Variants in CAPN2 observed in about 807,000 individuals in gnomAD.
CAPN2 encodes the protein calpain-2 catalytic subunit.
Under a neutral mutation model 102.3 loss-of-function variants are expected in CAPN2, and 92 were observed. That is an observed-to-expected ratio of 0.90 (90% CI 0.76 to 1.07). The LOEUF (loss-of-function observed/expected upper bound fraction) is 1.07, where lower values mean the gene tolerates loss of function less well. Among genes scored for constraint, CAPN2 ranks in the 50% least tolerant of loss-of-function variants. The pLI, the probability that CAPN2 is intolerant of heterozygous loss-of-function variation, is 0.00. For synonymous variants in CAPN2, 340 were observed against 355.4 expected (o/e 0.96, Z 0.49); for missense variants, 800 against 909.4 (o/e 0.88, Z 1.55).
At chr1:223,751,937 T>C (rs1660911052) in intron 7 of CAPN2, 60 bp from the exon 8 acceptor site, 2 of 1,148,824 alleles carry the variant, frequency 1.7e-6, no homozygotes, top group Admixed American at 2.0e-5. Context: ...TCCTCAACTC[T>C]GGGGCCTTTG....
At chr1:223,708,774 G>C (rs548391761), upstream of CAPN2, among the ~76,000 whole-genome samples, 19 of 150,580 alleles carry the variant, frequency 1.3e-4, no homozygotes, top group African/African-American at 4.6e-4. Context: ...AAGAAAGAAA[G>C]AGCGAAAGAG....
At position 223,755,893 on chromosome 1, in the gene CAPN2, G is replaced by A. The variant is rs998344321; in HGVS notation, c.1305+244G>A. ...GCCCCCCACAGCCAGCCTGCAGGGA[G>A]TTCCACTCTCAAATGGCCTCCACAT... On this transcript the variant is annotated intron_variant, in intron 10 of 20. Coordinates refer to ENST00000295006, the MANE Select transcript of CAPN2 (RefSeq NM_001748.5). This position sits in a 1 kb window ranked among gnomAD's most constrained non-coding sequence, Gnocchi z 4.1. Among the ~76,000 whole-genome samples the A allele has an allele frequency of 1.3e-5, 2 of 152,254 alleles. No individual in the cohort carries two copies. Among genetic ancestry groups the A allele is most frequent in the Non-Finnish European group, 2.9e-5 (2 of 68,044 alleles).
intron 14 of CAPN2, among the ~76,000 whole-genome samples, chr1:223,762,568 C>T (rs2102811588): frequency 6.6e-6 from 1 of 152,314 alleles, no homozygotes; most frequent in African/African-American, 2.4e-5. Flanking sequence ...AACTTGGCCC[C>T]TTATCCTTGA....
chr1:223,702,500 T>C (rs1180707900), intron 1 of CAPN2, among the ~76,000 whole-genome samples: 1 of 151,992 alleles, frequency 6.6e-6, no homozygotes, highest in East Asian at 1.9e-4. Context: ...GAAAATAAAC[T>C]ACATTATATG....
chr1:223,774,542 T>C (rs1661563713), intron 20 of CAPN2, among the ~76,000 whole-genome samples: 1 of 152,268 alleles, frequency 6.6e-6, no homozygotes. Flanking sequence ...TGTGATACTC[T>C]GAGGCAGAGA....
intron 2 of CAPN2, among the ~76,000 whole-genome samples, chr1:223,723,885 T>C (rs980826040): frequency 6.6e-6 from 1 of 151,676 alleles, no homozygotes; most frequent in Non-Finnish European, 1.5e-5. Context: ...TATACTTTCC[T>C]GCAAAGCCAC....
intron 16 of CAPN2, among the ~76,000 whole-genome samples, chr1:223,767,970 T>C (rs1661379199): frequency 6.7e-6 from 1 of 150,256 alleles, no homozygotes; most frequent in Non-Finnish European, 1.5e-5. Context: ...ATGTGTTTTT[T>C]GGCTGCATAA....
intron 2 of CAPN2, among the ~76,000 whole-genome samples, chr1:223,743,454 G>A (rs908530281): frequency 6.6e-6 from 1 of 152,026 alleles, no homozygotes; most frequent in African/African-American, 2.4e-5. Flanking sequence ...CTAGCACTAC[G>A]TTTTCTTTCT....
chr1:223,704,052 AG>A (rs11311954), intron 1 of CAPN2, among the ~76,000 whole-genome samples: 4,812 of 152,218 alleles, frequency 0.032, 241 homozygotes, highest in African/African-American at 0.11. Flanking sequence ...GCACTTTGTG[AG>A]GCCAGGGCAG....
rs1661042637 is a variant in CAPN2, at chr1:223,756,621, CTG to C, written c.1306-745_1306-744del. 1.3e-5 allele frequency among the ~76,000 whole-genome samples: 2 copies of C among 152,178 alleles called. No homozygotes were observed. Among genetic ancestry groups the C allele is most frequent in the East Asian group, 1.9e-4 (1 of 5,190 alleles). ...AGACGAGGTGTCAGGAGAGGAGGCT[CTG>C]TGCTCACCACTGGCAACGTTGCCAC... On this transcript the variant is annotated intron_variant, in intron 10 of 20. Coordinates refer to ENST00000295006, the MANE Select transcript of CAPN2 (RefSeq NM_001748.5). This position sits in a 1 kb window ranked among gnomAD's most constrained non-coding sequence, Gnocchi z 4.1.
intron 10 of CAPN2, among the ~76,000 whole-genome samples, chr1:223,757,096 T>C (rs1260258862): frequency 2.0e-5 from 3 of 152,208 alleles, no homozygotes; most frequent in Admixed American, 6.5e-5. Context: ...GGGAGGCCGA[T>C]ATGGGCTTTG....
At chr1:223,707,253 T>C (rs1429715123) in intron 1 of CAPN2, among the ~76,000 whole-genome samples, 1 of 149,226 alleles carries the variant, frequency 6.7e-6, no homozygotes, top group Non-Finnish European at 1.5e-5. Context: ...TCTCTCTCTC[T>C]TCTTCTCTCT....
chr1:223,764,111 C>G, intron 14 of CAPN2, 39 bp from the exon 15 acceptor site: 1 of 1,568,568 alleles, frequency 6.4e-7, no homozygotes, highest in Non-Finnish European at 8.8e-7. Flanking sequence ...CCAGCTCCCA[C>G]GGGGGGCCAA....
chr1:223,705,019 T>C (rs1659572089), intron 1 of CAPN2, among the ~76,000 whole-genome samples: 1 of 151,502 alleles, frequency 6.6e-6, no homozygotes, highest in Admixed American at 6.6e-5. Context: ...ACTCCCATAC[T>C]CCCCCAGTTC....
rs78735814 is a variant in CAPN2, at chr1:223,704,310, T to C, written c.3+2479T>C. Among the ~76,000 whole-genome samples, 1,349 of 152,156 alleles carry C rather than the reference T, an allele frequency of 8.9e-3. 21 individuals are homozygous for C. Among genetic ancestry groups the C allele is most frequent in the African/African-American group, 0.031 (1,267 of 41,510 alleles). On this transcript the variant is annotated intron_variant, in intron 1 of 20. Transcript: ENST00000433674. ...TATCTCAAAACAACACCAAAAAACATTGAACTGAAGACCCCTAAAGTTCCA... is the reference window on the plus strand; with the variant it reads ...TATCTCAAAACAACACCAAAAAACACTGAACTGAAGACCCCTAAAGTTCCA...
intron 8 of CAPN2, 48 bp downstream of exon 8, chr1:223,752,119 CTTT>C: frequency 1.5e-6 from 2 of 1,315,780 alleles, no homozygotes; most frequent in Non-Finnish European, 2.2e-6. Flanking sequence ...CCCCAATGTT[CTTT>C]ACTAGAAAAC....
At chr1:223,737,396 A>C (rs1660481633) in intron 2 of CAPN2, among the ~76,000 whole-genome samples, 1 of 152,138 alleles carries the variant, frequency 6.6e-6, no homozygotes, top group Non-Finnish European at 1.5e-5. Flanking sequence ...TGCCGTTAGT[A>C]ATAAACATGG....
rs1456093943 is a variant in CAPN2 at position 223,741,421 on chromosome 1, G to GTA, written c.308-2666_308-2665dup. Among the ~76,000 whole-genome samples the GTA allele has an allele frequency of 7.8e-5, 10 of 128,500 alleles. No individual in the cohort carries two copies. In the East Asian group the frequency reaches 1.5e-3, roughly 19 times the overall value. 84.3% of individuals were successfully genotyped at this position (128,500 alleles called of 152,430 possible). ...CTTTTTGAATCTTTGGCTGTAAAAT[G>GTA]TATATATATATATAATGTGTATATA... On this transcript the variant is annotated intron_variant, in intron 2 of 20. Coordinates refer to ENST00000295006, the MANE Select transcript of CAPN2 (RefSeq NM_001748.5).
At chr1:223,750,481 AC>A (rs774105135) in intron 6 of CAPN2, among the ~76,000 whole-genome samples, 1 of 152,004 alleles carries the variant, frequency 6.6e-6, no homozygotes, top group African/African-American at 2.4e-5. Context: ...CTGGCGACCC[AC>A]CCCAACCCCA....
Sources: allele counts gnomAD v4.1 joint callset (sites outside exome capture counted in the v4.1 genomes callset), GRCh38; gene constraint gnomAD v4.1.1; non-coding constraint Gnocchi (gnomAD v3.1); transcripts MANE v1.5; gene names NCBI Gene and HGNC (gene_info 2026-07-23, HGNC 2026-07-21).